FRMPD4: variants seen among roughly 807,000 people sequenced by gnomAD.
FRMPD4 encodes the protein FERM and PDZ domain-containing protein 4.
A neutral mutation model predicts 94.1 loss-of-function variants in FRMPD4; 22 were observed. That is an observed-to-expected ratio of 0.23 (90% CI 0.17 to 0.33). The LOEUF is 0.33. FRMPD4 is among the 10% of genes least tolerant of loss of function. FRMPD4 has a pLI of 1.00. For synonymous variants in FRMPD4, 631 were observed against 548.6 expected, an observed-to-expected ratio of 1.15 and a Z score of -2.10; for missense variants, 1,111 against 1,339.9, an observed-to-expected ratio of 0.83 and a Z score of 2.67.
At chrX:12,270,207 C>T (rs1354642897) in intron 1 of FRMPD4, among the ~76,000 whole-genome samples, 1 of 110,499 alleles carries the variant, frequency 9.0e-6, no homozygotes, top group Non-Finnish European at 1.9e-5. Flanking sequence ...CTGATCAATT[C>T]TCTATAATGC....
chrX:12,168,665 A>G (rs1239088885), intron 1 of FRMPD4, among the ~76,000 whole-genome samples: 1 of 82,622 alleles, frequency 1.2e-5, no homozygotes, highest in Non-Finnish European at 2.2e-5. Flanking sequence ...TCACTCTGTC[A>G]CCCAGGCTGG....
At chrX:12,546,872 G>A (rs958751190) in intron 2 of FRMPD4, among the ~76,000 whole-genome samples, 2 of 108,814 alleles carry the variant, frequency 1.8e-5, no homozygotes, top group African/African-American at 6.7e-5. Flanking sequence ...CTGGTACCAG[G>A]CTGGGTGAGT....
At chrX:12,063,041 G>A (rs982022508) in intron 3 of FRMPD4, among the ~76,000 whole-genome samples, 1 of 112,066 alleles carries the variant, frequency 8.9e-6, no homozygotes, top group Non-Finnish European at 1.9e-5. Flanking sequence ...CAAGAGTGAT[G>A]TTTACCATAG....
At chrX:12,028,672 T>A (rs1393496992) in intron 3 of FRMPD4, among the ~76,000 whole-genome samples, 1 of 111,724 alleles carries the variant, frequency 9.0e-6, no homozygotes, top group Non-Finnish European at 1.9e-5. Context: ...TGAGAACCAC[T>A]GATCTTTTTA....
intron 2 of FRMPD4, among the ~76,000 whole-genome samples, chrX:12,549,432 GTTAGA>G (rs1024398547): frequency 8.9e-6 from 1 of 112,444 alleles, no homozygotes; most frequent in Non-Finnish European, 1.9e-5. Flanking sequence ...TTCCCATAAA[GTTAGA>G]TTATTCAAAT....
chrX:12,360,453 GT>G (rs1169700692), intron 1 of FRMPD4, among the ~76,000 whole-genome samples: 1 of 110,634 alleles, frequency 9.0e-6, no homozygotes. Context: ...TTTCAGCCTC[GT>G]TTTTTTTATA....
At chrX:12,192,973 G>C (rs1192513691) in intron 1 of FRMPD4, among the ~76,000 whole-genome samples, 1 of 111,736 alleles carries the variant, frequency 8.9e-6, no homozygotes, top group Non-Finnish European at 1.9e-5. Flanking sequence ...CTGTTTTAAT[G>C]GATAGATTGC....
chrX:12,056,574 G>C (rs1185180183), intron 3 of FRMPD4, among the ~76,000 whole-genome samples: 1 of 111,683 alleles, frequency 9.0e-6, no homozygotes, highest in African/African-American at 3.3e-5. Context: ...GAGAGAATGG[G>C]AGTGAGAGAC....
intron 1 of FRMPD4, among the ~76,000 whole-genome samples, chrX:12,392,560 G>A (rs2056491998): frequency 1.8e-5 from 2 of 109,752 alleles, no homozygotes; most frequent in Admixed American, 1.9e-4. Flanking sequence ...GGCTGAGGCA[G>A]GAGAATCACT....
chrX:12,137,927 C>T (rs747191973), upstream of FRMPD4, among the ~76,000 whole-genome samples: 1 of 112,106 alleles, frequency 8.9e-6, no homozygotes, highest in East Asian at 2.8e-4. Flanking sequence ...ATTCTGAGCC[C>T]GGTTAGAATT....
intron 1 of FRMPD4, among the ~76,000 whole-genome samples, chrX:11,824,972 G>T (rs2053433312): frequency 9.1e-6 from 1 of 109,859 alleles, no homozygotes; most frequent in Admixed American, 9.7e-5. Flanking sequence ...AAAAAAAGTG[G>T]TTAAAAATAG....
intron 3 of FRMPD4, among the ~76,000 whole-genome samples, chrX:12,126,873 C>A (rs1171482448): frequency 1.8e-5 from 2 of 111,888 alleles, no homozygotes; most frequent in Non-Finnish European, 3.8e-5. Context: ...TATCCCCTTA[C>A]TGGTTTCTGC....
chrX:11,959,860 C>T (rs1363641665), intron 3 of FRMPD4, among the ~76,000 whole-genome samples: 4 of 111,252 alleles, frequency 3.6e-5, no homozygotes, highest in Non-Finnish European at 5.7e-5. Context: ...TTATTTCTTA[C>T]GATATAAATG....
intron 1 of FRMPD4, among the ~76,000 whole-genome samples, chrX:12,344,538 C>T (rs1390676181): frequency 8.9e-6 from 1 of 111,885 alleles, no homozygotes. Flanking sequence ...CTTTATTATT[C>T]ACCATCATTA....
At chrX:12,188,110 T>C (rs985492865) in intron 1 of FRMPD4, among the ~76,000 whole-genome samples, 1 of 111,633 alleles carries the variant, frequency 9.0e-6, no homozygotes. Flanking sequence ...TGACCTAGAC[T>C]GGAATCCCAG....
intron 3 of FRMPD4, among the ~76,000 whole-genome samples, chrX:11,973,685 G>T (rs2054352668): frequency 8.9e-6 from 1 of 111,805 alleles, no homozygotes; most frequent in Non-Finnish European, 1.9e-5. Flanking sequence ...TTTGTCTTTT[G>T]TATTCTTCTC....
intron 1 of FRMPD4, among the ~76,000 whole-genome samples, chrX:12,237,932 A>G (rs2057088798): frequency 8.9e-6 from 1 of 112,023 alleles, no homozygotes; most frequent in Non-Finnish European, 1.9e-5. Context: ...ACAGGAATTG[A>G]CAAATTTGAG....
intron 1 of FRMPD4, among the ~76,000 whole-genome samples, chrX:12,463,683 T>G (rs73192448): frequency 0.01 from 300 of 29,339 alleles, 25 homozygotes; most frequent in Middle Eastern, 0.029. Flanking sequence ...ATGTGTGTGT[T>G]TTTTTTTTGT....
intron 1 of FRMPD4, chrX:12,494,937 T>G (rs1263759471): frequency 2.7e-6 from 1 of 371,706 alleles, no homozygotes; most frequent in Non-Finnish European, 3.5e-6. Context: ...GCTAAGCGTT[T>G]GAAAGTGGTT....
Sources: gnomAD v4.1 joint callset for allele counts (sites outside exome capture counted in the v4.1 genomes callset) on GRCh38, gnomAD v4.1.1 for gene constraint, MANE v1.5 for transcripts, NCBI Gene and HGNC (gene_info 2026-07-23, HGNC 2026-07-21) for gene names.